The following ASAH2 variants were observed in gnomAD, a reference collection of about 807,000 sequenced individuals.
ASAH2 encodes N-acylsphingosine amidohydrolase 2, also known as neutral ceramidase.
In ASAH2, 58 loss-of-function variants were observed where a neutral mutation model predicts 82.9. The observed-to-expected ratio is 0.70, with a 90% CI of 0.57 to 0.87. ASAH2 has a LOEUF of 0.87. Ranked by LOEUF, ASAH2 falls within the 40% of genes least tolerant of loss-of-function variation. The probability of loss-of-function intolerance (pLI) is 0.00; values close to 1 mark genes in which losing one functional copy is unlikely to be tolerated. For missense variants in ASAH2, 779 were observed against 834.0 expected, an observed-to-expected ratio of 0.93 and a Z score of 0.81; for synonymous variants, 276 against 289.7, an observed-to-expected ratio of 0.95 and a Z score of 0.48.
chr10:50,207,098 A>T (rs909531287), intron 12 of ASAH2, among the ~76,000 whole-genome samples: 9 of 151,990 alleles, frequency 5.9e-5, no homozygotes, highest in Non-Finnish European at 1.2e-4. Flanking sequence ...GGAAGAAATC[A>T]AAGGAAAATC....
intron 4 of ASAH2, 49 bp from the exon 5 acceptor site, chr10:50,236,113 T>C (rs1172971842): frequency 6.5e-7 from 1 of 1,545,752 alleles, no homozygotes; most frequent in Non-Finnish European, 8.9e-7. Context: ...ACATAGGAGC[T>C]CAACATGAGA....
rs1844765818 is a variant in ASAH2 at position 50,187,101 on chromosome 10, C to G, written c.*214G>C. The G allele has an allele frequency of 6.2e-6, 2 of 320,892 alleles. No individual in the cohort carries two copies. The highest frequency in any genetic ancestry group is 1.1e-5 in the Non-Finnish European group (2 of 179,584). The allele number at this position is 320,892 out of a possible 1,614,324, so 19.9% of individuals were successfully genotyped here. A position where few individuals can be genotyped will look rare whatever the true frequency, so the allele number is the denominator to read the frequency against. On this transcript the variant is annotated 3_prime_UTR_variant, in exon 21 of 21. Coordinates refer to ENST00000682911, the MANE Select transcript of ASAH2 (RefSeq NM_019893.4). ...GGGACAAACCTCTCTCTCTCTCTCT[C>G]TCTCTCTCTCTCTCTCTCACACACA...
At position 50,187,065 on chromosome 10, in the gene ASAH2, G is replaced by A. The variant is rs61856759; in HGVS notation, c.*250C>T. On this transcript the variant is annotated 3_prime_UTR_variant, in exon 21 of 21. Coordinates refer to ENST00000682911, the MANE Select transcript of ASAH2 (RefSeq NM_019893.4). The stretch of plus-strand genomic sequence containing the variant: ...GACCACAAGATATATGGCTGCTGGA[G>A]CAAGATATATGGGACAAACCTCTCT... 7,563 of 450,796 alleles carry A rather than the reference G, an allele frequency of 0.017. 208 individuals carry two copies. Among genetic ancestry groups the A allele is most frequent in the African/African-American group, 0.1 (4,151 of 39,668 alleles). 27.9% of individuals were successfully genotyped at this position (450,796 alleles called of 1,614,324 possible). A position where few individuals can be genotyped will look rare whatever the true frequency, so the allele number is the denominator to read the frequency against.
intron 10 of ASAH2, among the ~76,000 whole-genome samples, chr10:50,212,481 A>G (rs1179745837): frequency 6.6e-6 from 1 of 152,138 alleles, no homozygotes; most frequent in Non-Finnish European, 1.5e-5. Flanking sequence ...ATCTTTGCAT[A>G]TTGAAGAACA....
intron 12 of ASAH2, 25 bp from the exon 13 acceptor site, chr10:50,206,122 T>A (rs1255780287): frequency 1.3e-6 from 2 of 1,522,854 alleles, no homozygotes; most frequent in East Asian, 2.3e-5. Context: ...ATAATTAGTA[T>A]ACTTCCTTGA....
intron 9 of ASAH2, 110 bp downstream of exon 9, chr10:50,214,633 A>G: frequency 7.5e-7 from 1 of 1,335,810 alleles, no homozygotes; most frequent in Non-Finnish European, 1.1e-6. Context: ...AGGGAGAACT[A>G]GGCCAGTGTA....
At chr10:50,217,888 G>T (rs1005151830) in intron 8 of ASAH2, among the ~76,000 whole-genome samples, 5 of 152,284 alleles carry the variant, frequency 3.3e-5, no homozygotes, top group African/African-American at 1.2e-4. Context: ...ATTTTGGGAG[G>T]CCGAGGTGGG....
In ASAH2 at chr10:50,206,127, C is replaced by T. The variant is rs1845289099; in HGVS notation, c.1415-30G>A. On this transcript the variant is annotated intron_variant, in intron 12 of 20. Coordinates refer to ENST00000682911, the MANE Select transcript of ASAH2 (RefSeq NM_019893.4). ...TAGAAATGTTATAATTAGTATACTT[C>T]CTTGAACCAACCCTCTCAAAAAAGT... is the stretch of plus-strand genomic sequence containing the variant. 4.8e-6 allele frequency: 7 copies of T among 1,466,466 alleles called. 1 individual carries two copies. Among genetic ancestry groups the T allele is most frequent in the Middle Eastern group, 1.7e-4 (1 of 5,758 alleles). The allele number at this position is 1,466,466 out of a possible 1,614,324, so 90.8% of individuals were successfully genotyped here. A position where few individuals can be genotyped will look rare whatever the true frequency, so the allele number is the denominator to read the frequency against.
At chr10:50,246,241 G>C (rs2842124) in intron 2 of ASAH2, among the ~76,000 whole-genome samples, 1 of 151,854 alleles carries the variant, frequency 6.6e-6, no homozygotes, top group African/African-American at 2.4e-5. Context: ...TACTAAGTGA[G>C]CAAATCACTT....
Position 50,203,685 on chromosome 10 carries a change from T to C in ASAH2, c.1626-6A>G. 1 of 1,612,306 alleles carries C rather than the reference T, an allele frequency of 6.2e-7. No homozygotes were observed. The highest frequency in any genetic ancestry group is 8.5e-7 in the Non-Finnish European group (1 of 1,178,654). ...GTCTTCGTCCAGACATGGTCCTGAGTCAAGAAAAAAATTATGTAAACGTTT... is the reference window on the plus strand; with the variant it reads ...GTCTTCGTCCAGACATGGTCCTGAGCCAAGAAAAAAATTATGTAAACGTTT... On this transcript the variant is annotated splice_region_variant and splice_polypyrimidine_tract_variant and intron_variant, in intron 14 of 20. Transcript: ENST00000682911.
At chr10:50,202,229 T>C (rs1404015561) in intron 16 of ASAH2, among the ~76,000 whole-genome samples, 1 of 152,056 alleles carries the variant, frequency 6.6e-6, no homozygotes, top group Non-Finnish European at 1.5e-5. Context: ...AGCAGATATA[T>C]TATTAACAGA....
At chr10:50,232,730 C>T (rs1589349667) in intron 7 of ASAH2, among the ~76,000 whole-genome samples, 1 of 152,242 alleles carries the variant, frequency 6.6e-6, no homozygotes, top group East Asian at 1.9e-4. Context: ...CATTGTCCTG[C>T]ATTGGACTTA....
intron 4 of ASAH2, among the ~76,000 whole-genome samples, chr10:50,242,570 A>G (rs1287025000): frequency 6.6e-6 from 1 of 152,156 alleles, no homozygotes; most frequent in South Asian, 2.1e-4. Flanking sequence ...AAATTGCCTT[A>G]GAAAGTTAGA....
rs1846145831 is a variant in ASAH2 at position 50,235,829 on chromosome 10, C to T, written c.687+59G>A. 3 of 1,563,292 alleles carry T rather than the reference C, an allele frequency of 1.9e-6. No individual in the cohort carries two copies. In the African/African-American group the frequency reaches 4.1e-5, roughly 21 times the overall value. ...GGATTCTTTATATCACATCCAATCACTCCTAAAATACCTGTAAGCAATGGT... is the reference window on the plus strand; with the variant it reads ...GGATTCTTTATATCACATCCAATCATTCCTAAAATACCTGTAAGCAATGGT... On this transcript the variant is annotated intron_variant, in intron 5 of 20. Coordinates refer to ENST00000682911, the MANE Select transcript of ASAH2 (RefSeq NM_019893.4).
At chr10:50,227,225 A>G (rs956860853) in intron 7 of ASAH2, among the ~76,000 whole-genome samples, 17 of 152,222 alleles carry the variant, frequency 1.1e-4, no homozygotes, top group African/African-American at 4.1e-4. Flanking sequence ...AATGATAGAA[A>G]AATATACATG....
intron 7 of ASAH2, among the ~76,000 whole-genome samples, chr10:50,222,573 C>A (rs1262573050): frequency 1.3e-5 from 2 of 152,180 alleles, no homozygotes; most frequent in African/African-American, 2.4e-5. Flanking sequence ...AGCCACCACA[C>A]CTGGCTTGAT....
Position 50,240,246 on chromosome 10 carries a change from A to G in ASAH2, c.510+2956T>C, listed in dbSNP as rs547681820. Among the ~76,000 whole-genome samples the G allele has an allele frequency of 9.4e-4, 143 of 152,280 alleles. 1 individual carries two copies. Among genetic ancestry groups the G allele is most frequent in the African/African-American group, 3.3e-3 (138 of 41,552 alleles). On this transcript the variant is annotated intron_variant, in intron 4 of 20. Coordinates refer to ENST00000682911, the MANE Select transcript of ASAH2 (RefSeq NM_019893.4). ...GAAATTGTTAGGCAAAGTTACAAAA[A>G]ATAAAAACCCTTCCAGCAACTCCAG...
chr10:50,213,677 A>C (rs1845521509), intron 9 of ASAH2, among the ~76,000 whole-genome samples: 1 of 152,150 alleles, frequency 6.6e-6, no homozygotes, highest in African/African-American at 2.4e-5. Context: ...GTTAAACTGG[A>C]CAGGTAAAAC....
intron 16 of ASAH2, among the ~76,000 whole-genome samples, chr10:50,200,423 C>G (rs1845110155): frequency 6.6e-6 from 1 of 151,590 alleles, no homozygotes; most frequent in African/African-American, 2.4e-5. Flanking sequence ...ATGTGCCTGC[C>G]CTCTGGACCT....
Sources: gnomAD v4.1 joint callset for allele counts (sites outside exome capture counted in the v4.1 genomes callset) on GRCh38, gnomAD v4.1.1 for gene constraint, MANE v1.5 for transcripts, NCBI Gene and HGNC (gene_info 2026-07-23, HGNC 2026-07-21) for gene names.